Variants in XKR4 observed in about 807,000 individuals in gnomAD.
XKR4 encodes the protein XK related 4, also known as XK-related protein 4.
Under a neutral mutation model 53.9 loss-of-function variants are expected in XKR4, and 12 were observed. That is an observed-to-expected ratio of 0.22 (90% CI 0.14 to 0.36). XKR4 has a LOEUF of 0.36. Among genes scored for constraint, XKR4 ranks in the 10% least tolerant of loss-of-function variants. The pLI, the probability that XKR4 is intolerant of heterozygous loss-of-function variation, is 1.00. For missense variants in XKR4, 799 were observed against 859.5 expected (o/e 0.93, Z 0.88); for synonymous variants, 354 against 362.4 (o/e 0.98, Z 0.26).
chr8:55,393,317 A>G (rs554602844), intron 2 of XKR4, among the ~76,000 whole-genome samples: 15 of 152,182 alleles, frequency 9.9e-5, no homozygotes, highest in African/African-American at 3.1e-4. Context: ...ATCGTAAAAT[A>G]TGGGATTTCT....
At chr8:55,127,339 G>T (rs1294486707) in intron 1 of XKR4, among the ~76,000 whole-genome samples, 1 of 149,900 alleles carries the variant, frequency 6.7e-6, no homozygotes, top group African/African-American at 2.5e-5. Flanking sequence ...TGCAACCTCC[G>T]CCTCCTGGGC....
Position 55,357,553 on chromosome 8 carries a change from C to T in XKR4, c.807-125C>T, listed in dbSNP as rs1246209055. On this transcript the variant is annotated intron_variant, in intron 1 of 2. Transcript: ENST00000327381. The stretch of plus-strand genomic sequence containing the variant: ...TTAACTTTGGACTTTAACTCATAAG[C>T]CCCCGAGGTAATTGTTTCTTGTGCT... 5 of 932,528 alleles carry T rather than the reference C, an allele frequency of 5.4e-6. No homozygotes were observed. In the South Asian group the frequency reaches 6.6e-5, roughly 12 times the overall value. The allele number at this position is 932,528 out of a possible 1,614,324, so 57.8% of individuals were successfully genotyped here.
intron 1 of XKR4, among the ~76,000 whole-genome samples, chr8:55,348,837 CAG>C (rs1471495781): frequency 6.6e-6 from 1 of 151,836 alleles, no homozygotes; most frequent in African/African-American, 2.4e-5. Flanking sequence ...GAGATATAGA[CAG>C]ATATACAGAT....
At chr8:55,128,296 G>T (rs1390252216) in intron 1 of XKR4, among the ~76,000 whole-genome samples, 1 of 152,196 alleles carries the variant, frequency 6.6e-6, no homozygotes, top group Non-Finnish European at 1.5e-5. Context: ...ATTCTAACTG[G>T]TGTGAGATGA....
rs559112960 is a variant in XKR4 at position 55,457,936 on chromosome 8, T to C, written c.1007-65345T>C. Among the ~76,000 whole-genome samples the C allele has an allele frequency of 4.0e-5, 6 of 149,806 alleles. No homozygotes were observed. The South Asian group carries it at 1.3e-3, about 32-fold the overall frequency. Reference sequence around the variant, plus strand: ...GAATTATGTTAGCATTAACCTGAGGTAGAACTACACACAAAAAAACCATAA... The same window carrying C: ...GAATTATGTTAGCATTAACCTGAGGCAGAACTACACACAAAAAAACCATAA... On this transcript the variant is annotated intron_variant, in intron 2 of 2. Transcript: ENST00000327381.
intron 2 of XKR4, among the ~76,000 whole-genome samples, chr8:55,484,250 T>C (rs372934837): frequency 1.5e-4 from 23 of 151,852 alleles, no homozygotes; most frequent in African/African-American, 4.8e-4. Flanking sequence ...TTCTACCAAA[T>C]GTTTAAATAA....
At chr8:55,133,857 A>G (rs1816589020) in intron 1 of XKR4, among the ~76,000 whole-genome samples, 3 of 152,354 alleles carry the variant, frequency 2.0e-5, no homozygotes, top group South Asian at 4.1e-4. Context: ...ATGAAAATTT[A>G]TGAGATATTT....
chr8:55,450,367 A>T (rs972217932), intron 2 of XKR4: 26 of 670,838 alleles, frequency 3.9e-5, no homozygotes, highest in Non-Finnish European at 6.3e-5. Flanking sequence ...GTAGGGCCGC[A>T]GGACCTCTGT....
chr8:55,237,365 C>T (rs10808896), intron 1 of XKR4, among the ~76,000 whole-genome samples: 33,750 of 152,184 alleles, frequency 0.22, 4,114 homozygotes, highest in East Asian at 0.48. Context: ...ATAATTTGTA[C>T]ATTGTATGTA....
At chr8:55,450,892 C>T (rs1805429629) in intron 2 of XKR4, 1 of 476,130 alleles carries the variant, frequency 2.1e-6, no homozygotes, top group Non-Finnish European at 4.0e-6. Flanking sequence ...AGCACCGACA[C>T]CTGCAGCAGC....
rs572846054 is a variant in XKR4 at position 55,273,166 on chromosome 8, G to A, written c.807-84512G>A. On this transcript the variant is annotated intron_variant, in intron 1 of 2. Coordinates refer to ENST00000327381, the MANE Select transcript of XKR4 (RefSeq NM_052898.2). ...ACTGTGTGTGTGTGTGTGTGTGTGT[G>A]TGTGTGTGTGTGTGTGTATGTTGCT... Among the ~76,000 whole-genome samples the A allele has an allele frequency of 4.5e-3, 683 of 151,968 alleles. 6 individuals carry two copies. The highest frequency in any genetic ancestry group is 0.015 in the African/African-American group (637 of 41,456).
chr8:55,456,288 T>A (rs1256442614), intron 2 of XKR4, among the ~76,000 whole-genome samples: 1 of 151,984 alleles, frequency 6.6e-6, no homozygotes, highest in Non-Finnish European at 1.5e-5. Flanking sequence ...AAAATTAGCC[T>A]GGCTTGGTGG....
At chr8:55,411,540 G>A (rs903558980) in intron 2 of XKR4, among the ~76,000 whole-genome samples, 2 of 152,194 alleles carry the variant, frequency 1.3e-5, no homozygotes, top group Non-Finnish European at 2.9e-5. Context: ...ATGTGAGGTT[G>A]GAATGTTTCT....
rs1199393917 is a variant in XKR4, at chr8:55,102,219, C to A, written c.-270C>A. 2.7e-5 allele frequency among the ~76,000 whole-genome samples: 4 copies of A among 145,590 alleles called. No homozygotes were observed. Among genetic ancestry groups the A allele is most frequent in the African/African-American group, 9.9e-5 (4 of 40,542 alleles). ...GAGGAGCGCGGGCGGCGGGCAGGGG[C>A]GCGCGCGGGGCGCCGCGAGCAGCTT... On this transcript the variant is annotated 5_prime_UTR_variant, in exon 1 of 3. Coordinates refer to ENST00000327381, the MANE Select transcript of XKR4 (RefSeq NM_052898.2). This position sits in a 1 kb window ranked among gnomAD's most constrained non-coding sequence, Gnocchi z 5.1.
chr8:55,347,745 T>A (rs1563329580), intron 1 of XKR4, among the ~76,000 whole-genome samples: 1 of 152,216 alleles, frequency 6.6e-6, no homozygotes, highest in East Asian at 1.9e-4. Flanking sequence ...TCCACTGTTC[T>A]CTCATGCTCA....
intron 1 of XKR4, among the ~76,000 whole-genome samples, chr8:55,194,225 C>A (rs1369421234): frequency 3.9e-5 from 6 of 152,168 alleles, no homozygotes; most frequent in Non-Finnish European, 8.8e-5. Flanking sequence ...TGTGGCGCTG[C>A]CAGCAACCAC....
intron 2 of XKR4, among the ~76,000 whole-genome samples, chr8:55,412,255 G>A (rs1055877384): frequency 3.3e-5 from 5 of 152,228 alleles, no homozygotes; most frequent in South Asian, 2.1e-4. Flanking sequence ...CATGCACTGC[G>A]AAAATGTGAA....
chr8:55,328,835 C>T (rs1803334311), intron 1 of XKR4, among the ~76,000 whole-genome samples: 1 of 152,186 alleles, frequency 6.6e-6, no homozygotes, highest in Non-Finnish European at 1.5e-5. Context: ...CTTTACTACC[C>T]CCTCCTCAGA....
chr8:55,168,093 A>C (rs1054422843), intron 1 of XKR4, among the ~76,000 whole-genome samples: 1 of 152,216 alleles, frequency 6.6e-6, no homozygotes, highest in Non-Finnish European at 1.5e-5. Context: ...CTTTAAAAAT[A>C]ATAATCATTG....
Sources: gnomAD v4.1 joint callset for allele counts (sites outside exome capture counted in the v4.1 genomes callset) on GRCh38, gnomAD v4.1.1 for gene constraint, Gnocchi (gnomAD v3.1) non-coding constraint, MANE v1.5 for transcripts, NCBI Gene and HGNC (gene_info 2026-07-23, HGNC 2026-07-21) for gene names.